DENND1A: variants seen among roughly 807,000 people sequenced by gnomAD.
DENND1A encodes DENN domain-containing protein 1A.
Under a neutral mutation model 113.7 loss-of-function variants are expected in DENND1A, and 51 were observed. The observed-to-expected ratio is 0.45, with a 90% CI of 0.36 to 0.57. The LOEUF (loss-of-function observed/expected upper bound fraction) is 0.57, where lower values mean the gene tolerates loss of function less well. Among genes scored for constraint, DENND1A ranks in the 20% least tolerant of loss-of-function variants. DENND1A has a pLI of 0.00. For synonymous variants in DENND1A, 565 were observed against 570.8 expected (o/e 0.99, Z 0.14); for missense variants, 1,258 against 1,395.9 (o/e 0.90, Z 1.57).
intron 1 of DENND1A, among the ~76,000 whole-genome samples, chr9:123,892,658 G>A (rs1406270231): frequency 1.3e-5 from 2 of 152,162 alleles, no homozygotes; most frequent in Non-Finnish European, 2.9e-5. Context: ...AACCACCATG[G>A]CACACATTTA....
chr9:123,687,478 C>G (rs1278249099), intron 5 of DENND1A, among the ~76,000 whole-genome samples: 1 of 152,094 alleles, frequency 6.6e-6, no homozygotes, highest in Non-Finnish European at 1.5e-5. Context: ...GGTGAGATTG[C>G]CCAGAGCACC....
At chr9:123,516,884 C>CAAAAAAAAAAAAAAAAAAAAAAAAAA (rs546001517) in intron 13 of DENND1A, among the ~76,000 whole-genome samples, 18 of 93,394 alleles carry the variant, frequency 1.9e-4, no homozygotes, top group East Asian at 2.7e-4. Context: ...GACTCTGTCT[C>CAAAAAAAAAAAAAAAAAAAAAAAAAA]AAAAAAAAAA....
intron 3 of DENND1A, among the ~76,000 whole-genome samples, chr9:123,778,153 A>C (rs1264693660): frequency 2.6e-5 from 4 of 152,212 alleles, no homozygotes; most frequent in Non-Finnish European, 5.9e-5. Flanking sequence ...TAGAAAAAAA[A>C]GTCCCTTCAG....
At chr9:123,539,987 A>G (rs191411627) in intron 13 of DENND1A, among the ~76,000 whole-genome samples, 1 of 152,314 alleles carries the variant, frequency 6.6e-6, no homozygotes, top group East Asian at 1.9e-4. Flanking sequence ...GTACCTACCT[A>G]GTGGGAAATA....
intron 2 of DENND1A, among the ~76,000 whole-genome samples, chr9:123,862,234 G>A (rs1845159005): frequency 6.6e-6 from 1 of 152,068 alleles, no homozygotes; most frequent in African/African-American, 2.4e-5. Flanking sequence ...ATGGTCCCTA[G>A]TCACATAAAT....
chr9:123,695,442 T>G (rs192439029), intron 5 of DENND1A, among the ~76,000 whole-genome samples: 14 of 152,228 alleles, frequency 9.2e-5, no homozygotes, highest in African/African-American at 3.4e-4. Context: ...CTATTAGAGA[T>G]AAGAACACTA....
chr9:123,450,889 A>G lies in DENND1A; in HGVS notation c.1300-140T>C, dbSNP rs2047670917. 5 of 624,440 alleles carry G rather than the reference A, an allele frequency of 8.0e-6. No homozygotes were observed. In the South Asian group the frequency reaches 8.7e-5, roughly 11 times the overall value. The allele number at this position is 624,440 out of a possible 1,614,324, so 38.7% of individuals were successfully genotyped here. On this transcript the variant is annotated intron_variant, in intron 17 of 23. Transcript: ENST00000394215. ...ATGGGATCATCAAGTCGAAAACATA[A>G]TGGCTATGAAAACAAATACAACGGT... is the stretch of plus-strand genomic sequence containing the variant.
At chr9:123,707,107 G>A (rs2066267436) in intron 5 of DENND1A, among the ~76,000 whole-genome samples, 1 of 151,476 alleles carries the variant, frequency 6.6e-6, no homozygotes, top group Admixed American at 6.6e-5. Context: ...AAGAAAAGAA[G>A]CTCAGGGCCG....
At chr9:123,555,131 T>C (rs749610964) in intron 13 of DENND1A, among the ~76,000 whole-genome samples, 3 of 152,210 alleles carry the variant, frequency 2.0e-5, no homozygotes, top group Non-Finnish European at 4.4e-5. Flanking sequence ...TCATCTCCCA[T>C]ATTTGATCTA....
rs762424807 is a variant in DENND1A, at chr9:123,557,592, C to T, written c.971G>A (p.Arg324Gln). 1.4e-5 allele frequency: 22 copies of T among 1,613,788 alleles called. No individual in the cohort carries two copies. Among genetic ancestry groups the T allele is most frequent in the African/African-American group, 2.7e-5 (2 of 74,912 alleles). Residue 324 changes from arginine to glutamine, a missense_variant, in exon 13 of 24, where the codon CGA becomes CAA. By Grantham distance (43) the Arg-to-Gln change is conservative. Transcript: ENST00000394215. Reference protein sequence around the residue: ...KAQAAFFGSYRNALKIEPEEP... With the variant: ...KAQAAFFGSYQNALKIEPEEP... ...CACCGGCTCGATTTTCAGAGCGTTT[C>T]GGTAGCTACCGAAGAAAGCAGCCTG...
intron 13 of DENND1A, among the ~76,000 whole-genome samples, chr9:123,542,889 C>T (rs562255741): frequency 6.6e-6 from 1 of 152,256 alleles, no homozygotes; most frequent in Non-Finnish European, 1.5e-5. Flanking sequence ...CTTGTGTAAC[C>T]ACTTCCTTGC....
chr9:123,605,732 CA>C (rs2060126408), intron 11 of DENND1A, among the ~76,000 whole-genome samples: 2 of 152,196 alleles, frequency 1.3e-5, no homozygotes, highest in South Asian at 4.1e-4. Context: ...GGTCTTTCCC[CA>C]AAATAACCTT....
chr9:123,918,354 G>A (rs887788175), intron 1 of DENND1A, among the ~76,000 whole-genome samples: 3 of 151,866 alleles, frequency 2.0e-5, no homozygotes, highest in East Asian at 1.9e-4. Context: ...CGGGCGTGGC[G>A]GCGGGCGCCT....
chr9:123,478,678 T>A (rs528412932), intron 13 of DENND1A, among the ~76,000 whole-genome samples: 2 of 152,374 alleles, frequency 1.3e-5, no homozygotes, highest in South Asian at 4.1e-4. Flanking sequence ...GATGGACAGA[T>A]ATGGGATAAA....
intron 13 of DENND1A, among the ~76,000 whole-genome samples, chr9:123,463,960 G>C (rs2048737872): frequency 6.6e-6 from 1 of 151,222 alleles, no homozygotes; most frequent in Non-Finnish European, 1.5e-5. Context: ...AAAAAGAGCT[G>C]ATGCCTGCTG....
chr9:123,626,309 G>A (rs2061211817), intron 10 of DENND1A, among the ~76,000 whole-genome samples: 1 of 152,040 alleles, frequency 6.6e-6, no homozygotes, highest in Non-Finnish European at 1.5e-5. Context: ...CTATGAAGGT[G>A]GGCGCGTCTG....
In DENND1A at chr9:123,930,087, T is replaced by G; in HGVS notation, c.-182A>C. ...CCGCCGCCTCCAGGGGTTAATGTAC[T>G]CGCTCCAGCCCGGCGAACGCCATGG... On this transcript the variant is annotated 5_prime_UTR_variant, in exon 1 of 24. Coordinates refer to ENST00000394215, the MANE Select transcript of DENND1A (RefSeq NM_001352964.2). The G allele has an allele frequency of 5.2e-6, 1 of 193,094 alleles. No individual in the cohort carries two copies. The allele number at this position is 193,094 out of a possible 1,614,324, so 12.0% of individuals were successfully genotyped here. A position where few individuals can be genotyped will look rare whatever the true frequency, so the allele number is the denominator to read the frequency against.
intron 13 of DENND1A, among the ~76,000 whole-genome samples, chr9:123,475,611 T>G (rs2049846460): frequency 6.6e-6 from 1 of 152,228 alleles, no homozygotes; most frequent in Admixed American, 6.5e-5. Context: ...GCCTGAGTGG[T>G]CCAGGTGCAG....
At position 123,381,706 on chromosome 9, in the gene DENND1A, G is replaced by A. The variant is rs766530275; in HGVS notation, c.2939C>T (p.Ser980Leu). The change falls in exon 24 of 24, where the codon TCG becomes TTG. Residue 980 changes from serine to leucine, a missense_variant. By Grantham distance (145) the Ser-to-Leu change is moderately radical. Transcript: ENST00000394215. The surrounding 1 kb of genome is among the most constrained non-coding windows in gnomAD (Gnocchi z 4.7). ...QPLGPPAVAP[S>L]RIRTLPLARS... is the part of the protein sequence containing the mutation. ...GGCCAGGGGCAACGTTCGGATCCTC[G>A]ACGGGGCAACTGCTGGGGGACCCAG... 1.0e-5 allele frequency: 16 copies of A among 1,548,634 alleles called. 1 individual carries two copies. In the South Asian group the frequency reaches 1.1e-4, roughly 10 times the overall value.
Sources: allele counts gnomAD v4.1 joint callset (sites outside exome capture counted in the v4.1 genomes callset), GRCh38; gene constraint gnomAD v4.1.1; non-coding constraint Gnocchi (gnomAD v3.1); transcripts MANE v1.5; gene names NCBI Gene and HGNC (gene_info 2026-07-23, HGNC 2026-07-21).